Variants in PLA2G4E observed in about 807,000 individuals in gnomAD.
PLA2G4E encodes cytosolic phospholipase A2 epsilon.
A neutral mutation model predicts 109.1 loss-of-function variants in PLA2G4E; 84 were observed. That is an observed-to-expected ratio of 0.77 (90% confidence interval 0.65 to 0.92). PLA2G4E has a LOEUF of 0.92. PLA2G4E is among the 40% of genes least tolerant of loss of function. The pLI is 0.00. For synonymous variants in PLA2G4E, 469 were observed against 436.1 expected (o/e 1.08, Z -0.94); for missense variants, 1,057 against 1,076.6 (o/e 0.98, Z 0.25).
intron 15 of PLA2G4E, 62 bp downstream of exon 15, chr15:41,989,353 C>T (rs2068201403): frequency 6.2e-7 from 1 of 1,601,962 alleles, no homozygotes; most frequent in South Asian, 1.1e-5. Flanking sequence ...CAGGGGCCAA[C>T]CCAGGGTGGC....
At chr15:42,029,250 C>T (rs749669914) in intron 1 of PLA2G4E, among the ~76,000 whole-genome samples, 39 of 152,074 alleles carry the variant, frequency 2.6e-4, no homozygotes, top group African/African-American at 5.8e-4. Flanking sequence ...CACATCACCA[C>T]GCCTAGCTAA....
intron 2 of PLA2G4E, chr15:42,010,142 C>CCCCCCCCGCCCCCG: frequency 2.2e-6 from 1 of 454,256 alleles, no homozygotes; most frequent in South Asian, 1.9e-5. Context: ...GCCCCCCCAC[C>CCCCCCCCGCCCCCG]CCGGGCCTGG....
At chr15:42,000,609 C>T (rs767969465) in intron 7 of PLA2G4E, among the ~76,000 whole-genome samples, 7 of 152,208 alleles carry the variant, frequency 4.6e-5, no homozygotes, top group East Asian at 1.9e-4. Flanking sequence ...GCAGACCCTC[C>T]GCACACTGTC....
intron 1 of PLA2G4E, among the ~76,000 whole-genome samples, chr15:42,015,161 C>A (rs2068576738): frequency 6.6e-6 from 1 of 152,176 alleles, no homozygotes; most frequent in Non-Finnish European, 1.5e-5. Flanking sequence ...TCCCGAGCTG[C>A]CCCTGCACTC....
exon 17 of PLA2G4E, chr15:41,987,293 C>T (rs1455058264): frequency 6.2e-6 from 10 of 1,613,882 alleles, no homozygotes; most frequent in Non-Finnish European, 7.6e-6. Context: ...AAGAATTGGA[C>T]AGCCATGACC....
chr15:42,024,975 T>A (rs2724941), intron 1 of PLA2G4E, among the ~76,000 whole-genome samples: 2 of 151,956 alleles, frequency 1.3e-5, no homozygotes, highest in Admixed American at 1.3e-4. Context: ...CTGAGGTGGG[T>A]GGATCACGAG....
intron 1 of PLA2G4E, among the ~76,000 whole-genome samples, chr15:42,031,382 G>A (rs1041935720): frequency 1.3e-5 from 2 of 152,148 alleles, no homozygotes; most frequent in Non-Finnish European, 2.9e-5. Flanking sequence ...ATCCCCAGAC[G>A]TGAAATGGCT....
intron 1 of PLA2G4E, among the ~76,000 whole-genome samples, chr15:42,038,700 A>G (rs1445318717): frequency 6.6e-6 from 1 of 152,236 alleles, no homozygotes; most frequent in Non-Finnish European, 1.5e-5. Flanking sequence ...ATGGTAAGGG[A>G]GAATAAGAGG....
intron 2 of PLA2G4E, among the ~76,000 whole-genome samples, chr15:42,013,303 A>T (rs924592969): frequency 6.6e-6 from 1 of 152,184 alleles, no homozygotes; most frequent in Non-Finnish European, 1.5e-5. Flanking sequence ...ACAGGCCCTA[A>T]CCGAAAGGAG....
At chr15:41,987,942 T>A in intron 16 of PLA2G4E, 107 bp downstream of exon 16, 2 of 489,272 alleles carry the variant, frequency 4.1e-6, no homozygotes, top group South Asian at 2.6e-5. Context: ...CCGCCCCCCA[T>A]CACCCAGCCA....
At chr15:41,996,350 G>GAAAAAAAAAAAAAAA (rs34559872) in intron 11 of PLA2G4E, among the ~76,000 whole-genome samples, 1 of 75,104 alleles carries the variant, frequency 1.3e-5, no homozygotes, top group Non-Finnish European at 2.4e-5. Flanking sequence ...CCTGTCTCAA[G>GAAAAAAAAAAAAAAA]AAAAAAAAAA....
chr15:42,037,319 G>A (rs980105404), intron 1 of PLA2G4E, among the ~76,000 whole-genome samples: 7 of 152,224 alleles, frequency 4.6e-5, no homozygotes, highest in African/African-American at 1.2e-4. Flanking sequence ...ACCAATGTGC[G>A]CGCACTTCCT....
At chr15:42,003,223 T>A (rs2068439251) in intron 5 of PLA2G4E, among the ~76,000 whole-genome samples, 2 of 152,242 alleles carry the variant, frequency 1.3e-5, no homozygotes, top group African/African-American at 2.4e-5. Flanking sequence ...GCATCCCTTG[T>A]CAAAATTAAG....
At chr15:41,983,734 CA>C (rs751582127) in exon 20 of PLA2G4E, 2 of 1,557,134 alleles carry the variant, frequency 1.3e-6, no homozygotes, top group Non-Finnish European at 1.7e-6. Flanking sequence ...TGACACAGAA[CA>C]GGGGAGGCTC....
exon 20 of PLA2G4E, chr15:41,982,004 C>A (rs1418328107): frequency 6.6e-6 from 1 of 152,200 alleles, no homozygotes; most frequent in Non-Finnish European, 1.5e-5. Flanking sequence ...CTGAAAAATG[C>A]AGCTTCTAAT....
intron 1 of PLA2G4E, among the ~76,000 whole-genome samples, chr15:42,049,007 T>TCGCCCCAGTTCCCATCCCC (rs1181576204): frequency 6.6e-6 from 1 of 152,170 alleles, no homozygotes; most frequent in Non-Finnish European, 1.5e-5. Flanking sequence ...GGGAGACAGC[T>TCGCCCCAGTTCCCATCCCC]CGCCCCAGTT....
chr15:42,033,424 G>A (rs1037230060), intron 1 of PLA2G4E, among the ~76,000 whole-genome samples: 2 of 152,194 alleles, frequency 1.3e-5, no homozygotes, highest in African/African-American at 2.4e-5. Context: ...AGGAAACAGA[G>A]GAGTGGCTGA....
At chr15:41,985,612 G>A (rs944041766) in intron 18 of PLA2G4E, among the ~76,000 whole-genome samples, 5 of 152,346 alleles carry the variant, frequency 3.3e-5, no homozygotes, top group African/African-American at 7.2e-5. Context: ...AGTAAAATTC[G>A]AATTTGCTAA....
intron 4 of PLA2G4E, among the ~76,000 whole-genome samples, 151 bp from the exon 5 acceptor site, chr15:42,005,129 T>C (rs1477577638): frequency 1.3e-5 from 2 of 152,230 alleles, no homozygotes; most frequent in East Asian, 3.8e-4. Context: ...TGGTCTCCTC[T>C]GCCAATCTCT....
Sources: gnomAD v4.1 joint callset for allele counts (sites outside exome capture counted in the v4.1 genomes callset) on GRCh38, gnomAD v4.1.1 for gene constraint, MANE v1.5 for transcripts, NCBI Gene and HGNC (gene_info 2026-07-23, HGNC 2026-07-21) for gene names.